The following SEPTIN6 variants were observed in gnomAD, a reference collection of about 807,000 sequenced individuals.
SEPTIN6 encodes septin 6.
Under a neutral mutation model 33.6 loss-of-function variants are expected in SEPTIN6, and 8 were observed. That is an observed-to-expected ratio of 0.24 (90% confidence interval 0.14 to 0.43). The LOEUF is 0.43. Ranked by LOEUF, SEPTIN6 falls within the 20% of genes least tolerant of loss-of-function variation. The probability of loss-of-function intolerance (pLI) is 1.00; values close to 1 mark genes in which losing one functional copy is unlikely to be tolerated. For missense variants in SEPTIN6, 250 were observed against 340.8 expected (o/e 0.73, Z 2.10); for synonymous variants, 131 against 140.0 (o/e 0.94, Z 0.45).
downstream of SEPTIN6, chrX:119,616,469 T>G (rs138740594): frequency 1.0e-3 from 488 of 478,377 alleles, 4 homozygotes; most frequent in East Asian, 0.019. Flanking sequence ...TTCGTCCATT[T>G]TCCAGCTCTG....
intron 5 of SEPTIN6, 57 bp from the exon 6 acceptor site, chrX:119,640,845 C>T (rs1292437676): frequency 2.9e-6 from 3 of 1,019,129 alleles, no homozygotes; most frequent in Non-Finnish European, 4.1e-6. Context: ...CTGAGTGTTA[C>T]ACAACCCAAC....
At position 119,619,899 on chromosome X, in the gene SEPTIN6, C is replaced by T; in HGVS notation, c.*194G>A. The T allele has an allele frequency of 2.7e-6, 3 of 1,113,476 alleles. No individual in the cohort carries two copies. Among genetic ancestry groups the T allele is most frequent in the East Asian group, 3.3e-5 (1 of 30,308 alleles). The allele number at this position is 1,113,476 out of a possible 1,213,427, so 91.8% of individuals were successfully genotyped here. On this transcript the variant is annotated 3_prime_UTR_variant, in exon 11 of 11. Transcript: ENST00000394610. ...CTTCTTGACCAGCGGCCAGACATCA[C>T]CCTCAGATTCTCAGGTTTCTATAAA... is the stretch of plus-strand genomic sequence containing the variant.
chrX:119,665,950 T>A (rs948423507), intron 2 of SEPTIN6, among the ~76,000 whole-genome samples: 1 of 109,342 alleles, frequency 9.1e-6, no homozygotes, highest in Admixed American at 9.8e-5. Context: ...GGCGTGATGG[T>A]GGGTGCCTGT....
chrX:119,671,694 G>C, intron 2 of SEPTIN6, among the ~76,000 whole-genome samples: 1 of 110,501 alleles, frequency 9.0e-6, no homozygotes. Flanking sequence ...TTGAGCCTGG[G>C]AGGTTGAGGC....
At chrX:119,647,443 T>C (rs1235727992) in intron 5 of SEPTIN6, among the ~76,000 whole-genome samples, 1 of 102,081 alleles carries the variant, frequency 9.8e-6, no homozygotes, top group African/African-American at 3.6e-5. Flanking sequence ...TCTTTCTCTC[T>C]TTATTTACTT....
At chrX:119,620,141 A>G in intron 10 of SEPTIN6, 90 bp from the exon 11 acceptor site, 1 of 709,360 alleles carries the variant, frequency 1.4e-6, no homozygotes, top group East Asian at 3.3e-5. Context: ...AGTAATGAGG[A>G]CTAATGGCTA....
At position 119,640,719 on chromosome X, in the gene SEPTIN6, G is replaced by A; in HGVS notation, c.760C>T (p.Arg254Trp). ...TGCACAGTGCCCCAAGGATACTGCC[G>A]CGCCCTCATCATCTTGTTGCCTATC... ...LKIGNKMMRA[R>W]QYPWGTVQVE... Residue 254 changes from arginine (R) to tryptophan (W), a missense_variant, in exon 6 of 11, where the codon CGG becomes TGG. Physicochemically the swap from Arg to Trp is moderately radical, Grantham distance 101. This residue lies in a region of SEPTIN6 where 139 missense variants were observed against 227.0 expected (regional missense o/e 0.61). Transcript: ENST00000394610. The A allele has an allele frequency of 8.3e-7, 1 of 1,210,640 alleles. No individual in the cohort carries two copies. Among genetic ancestry groups the A allele is most frequent in the Non-Finnish European group, 1.1e-6 (1 of 894,590 alleles).
chrX:119,674,412 C>T (rs1380535293), intron 2 of SEPTIN6, among the ~76,000 whole-genome samples: 1 of 111,457 alleles, frequency 9.0e-6, no homozygotes, highest in African/African-American at 3.3e-5. Context: ...CTTCTGACCT[C>T]GTGATCCACC....
intron 1 of SEPTIN6, among the ~76,000 whole-genome samples, chrX:119,686,887 C>T (rs1329538931): frequency 9.0e-6 from 1 of 111,401 alleles, no homozygotes. Flanking sequence ...CTTCCCTGGG[C>T]CCTATGGGAG....
In SEPTIN6 at chrX:119,693,150, G is replaced by T. The variant is rs376911126; in HGVS notation, c.-45C>A. 6.7e-4 allele frequency: 772 copies of T among 1,153,769 alleles called. 1 individual carries two copies. Among genetic ancestry groups the T allele is most frequent in the Non-Finnish European group, 8.4e-4 (722 of 861,238 alleles). ...GCTGCCACGGGTGCCGCCGCAACGGGAGCTACTGCACAGGAAACAGAGGAG... is the reference window on the plus strand; with the variant it reads ...GCTGCCACGGGTGCCGCCGCAACGGTAGCTACTGCACAGGAAACAGAGGAG... On this transcript the variant is annotated 5_prime_UTR_variant, in exon 1 of 11. Coordinates refer to ENST00000394610, the MANE Select transcript of SEPTIN6 (RefSeq NM_145799.4).
At chrX:119,692,936 C>G in intron 1 of SEPTIN6, 140 bp downstream of exon 1, 1 of 618,815 alleles carries the variant, frequency 1.6e-6, no homozygotes, top group Non-Finnish European at 2.6e-6. Context: ...GCTGCTGACC[C>G]CGGGAGCAGA....
At chrX:119,632,294 C>A (rs916260042) in intron 8 of SEPTIN6, among the ~76,000 whole-genome samples, 6 of 109,762 alleles carry the variant, frequency 5.5e-5, no homozygotes, top group Non-Finnish European at 9.5e-5. Context: ...CTTCCGGGTT[C>A]ACGCCATTCT....
chrX:119,663,419 G>A, intron 3 of SEPTIN6, 63 bp downstream of exon 3: 1 of 958,803 alleles, frequency 1.0e-6, no homozygotes, highest in Admixed American at 2.5e-5. Flanking sequence ...TCTCTGTGGT[G>A]AGCTCCTCTC....
At chrX:119,653,424 G>T (rs1022147867) in intron 3 of SEPTIN6, among the ~76,000 whole-genome samples, 2 of 112,445 alleles carry the variant, frequency 1.8e-5, no homozygotes, top group African/African-American at 6.5e-5. Flanking sequence ...TGCTTCACAA[G>T]GATTCTCTCA....
intron 1 of SEPTIN6, among the ~76,000 whole-genome samples, chrX:119,681,742 T>C (rs2054964402): frequency 8.9e-6 from 1 of 112,053 alleles, no homozygotes; most frequent in South Asian, 3.6e-4. Context: ...AGGGCGACTG[T>C]AATAAAATAG....
At chrX:119,673,747 C>G (rs1340710134) in intron 2 of SEPTIN6, among the ~76,000 whole-genome samples, 1 of 101,545 alleles carries the variant, frequency 9.8e-6, no homozygotes, top group Non-Finnish European at 2.0e-5. Context: ...GAGGCTGAGG[C>G]AGGAGAATCG....
rs1422509886 is a variant in SEPTIN6, at chrX:119,675,640, G to T, written c.59C>A (p.Ala20Asp). The T allele has an allele frequency of 3.5e-6, 4 of 1,151,958 alleles. No homozygotes were observed. The highest frequency in any genetic ancestry group is 2.3e-6 in the Non-Finnish European group (2 of 860,997). 94.9% of individuals were successfully genotyped at this position (1,151,958 alleles called of 1,213,427 possible). A position where few individuals can be genotyped will look rare whatever the true frequency, so the allele number is the denominator to read the frequency against. The change falls in exon 2 of 11, where the codon GCT becomes GAT. Residue 20 changes from alanine to aspartate, a missense_variant. This residue lies in a region of SEPTIN6 where 111 missense variants were observed against 113.8 expected (regional missense o/e 0.98). Coordinates refer to ENST00000394610, the MANE Select transcript of SEPTIN6 (RefSeq NM_145799.4). ...VGEGCRTVPL[A>D]GHVGFDSLPD... ...CAAGCTGTCAAACCCCACATGTCCAGCCAGGGGGACAGTTCGGCAACCTTC... is the reference window on the plus strand; with the variant it reads ...CAAGCTGTCAAACCCCACATGTCCATCCAGGGGGACAGTTCGGCAACCTTC...
intron 1 of SEPTIN6, among the ~76,000 whole-genome samples, chrX:119,682,231 C>CA (rs2054973247): frequency 9.0e-6 from 1 of 110,777 alleles, no homozygotes; most frequent in South Asian, 3.8e-4. Context: ...AATAGGGGCT[C>CA]AGTCAAGGGA....
Position 119,637,125 on chromosome X carries a change from C to T in SEPTIN6, c.858G>A (p.Leu286=). 8.3e-7 allele frequency: 1 copy of T among 1,211,650 alleles called. No homozygotes were observed. Among genetic ancestry groups the T allele is most frequent in the Non-Finnish European group, 1.1e-6 (1 of 895,272 alleles). The part of the protein sequence containing the change: ...EMLIRVNMED[L]REQTHTRHYE... ...AGTGCCGGGTGTGGGTCTGCTCCCG[C>T]AGATCCTCCATGTTGACCCGAATCA... The change falls in exon 7 of 11, where the codon CTG becomes CTA. Residue 286 remains leucine, a synonymous_variant. Coordinates refer to ENST00000394610, the MANE Select transcript of SEPTIN6 (RefSeq NM_145799.4).
Sources: allele counts gnomAD v4.1 joint callset (sites outside exome capture counted in the v4.1 genomes callset), GRCh38; gene constraint gnomAD v4.1.1; regional missense constraint gnomAD v4.1.1; transcripts MANE v1.5; gene names NCBI Gene and HGNC (gene_info 2026-07-23, HGNC 2026-07-21).